BTAF1: variants seen among roughly 807,000 people sequenced by gnomAD.
BTAF1 encodes the protein B-TFIID TATA-box binding protein associated factor 1.
A neutral mutation model predicts 227.1 loss-of-function variants in BTAF1; 38 were observed. The ratio of observed to expected loss-of-function variants is 0.17; its 90% CI spans 0.13 to 0.22. The LOEUF is 0.22. BTAF1 is among the 10% of genes least tolerant of loss of function. The probability of loss-of-function intolerance (pLI) is 1.00; values close to 1 mark genes in which losing one functional copy is unlikely to be tolerated. For missense variants in BTAF1, 1,598 were observed against 2,204.0 expected (o/e 0.73, Z 5.51); for synonymous variants, 742 against 751.9 (o/e 0.99, Z 0.21).
chr10:91,982,416 ATCT>A (rs1848131013), intron 17 of BTAF1, 168 bp from the exon 18 acceptor site: 4 of 1,063,902 alleles, frequency 3.8e-6, no homozygotes, highest in Non-Finnish European at 2.6e-6. Context: ...TAGGATTTAT[ATCT>A]TCTTATGAAG....
rs766397994 is a variant in BTAF1, at chr10:91,957,340, A to C, written c.900+47A>C. The C allele has an allele frequency of 2.0e-6, 3 of 1,477,338 alleles. No homozygotes were observed. The South Asian group carries it at 3.5e-5, about 17-fold the overall frequency. 91.5% of individuals were successfully genotyped at this position (1,477,338 alleles called of 1,614,324 possible). On this transcript the variant is annotated intron_variant, in intron 8 of 37. Coordinates refer to ENST00000265990, the MANE Select transcript of BTAF1 (RefSeq NM_003972.3). Reference sequence around the variant, plus strand: ...TTTTCTCAGCTCTATTTTCTGTGCTAATGAAGGGAACAATGTCAAGAGCAA... The same window carrying C: ...TTTTCTCAGCTCTATTTTCTGTGCTCATGAAGGGAACAATGTCAAGAGCAA...
intron 34 of BTAF1, among the ~76,000 whole-genome samples, chr10:92,020,156 A>T (rs1362441111): frequency 6.6e-6 from 1 of 152,056 alleles, no homozygotes; most frequent in South Asian, 2.1e-4. Flanking sequence ...ATCAGGTGTT[A>T]ATCTTATTGA....
At chr10:91,948,745 A>C (rs938409502) in intron 4 of BTAF1, among the ~76,000 whole-genome samples, 4 of 150,500 alleles carry the variant, frequency 2.7e-5, no homozygotes, top group Non-Finnish European at 5.9e-5. Flanking sequence ...ACATTATTTA[A>C]TTCACCTTTT....
chr10:91,998,565 T>G (rs1421285518), intron 25 of BTAF1, among the ~76,000 whole-genome samples: 1 of 152,156 alleles, frequency 6.6e-6, no homozygotes, highest in African/African-American at 2.4e-5. Flanking sequence ...TGCAGGAAAC[T>G]GAAGTGGCTT....
rs768422488 is a variant in BTAF1 at position 91,960,087 on chromosome 10, C to T, written c.1196C>T (p.Thr399Ile). Reference protein sequence around the residue: ...KTVDVLLKLLTQEQWEVRHGG... With the variant: ...KTVDVLLKLLIQEQWEVRHGG... ...GTGGATGTGCTGCTAAAATTACTTA[C>T]ACAAGAACAATGGGAAGTTAGACAT... The change falls in exon 11 of 38, where the codon ACA becomes ATA. Residue 399 changes from threonine to isoleucine, a missense_variant. Around this residue, in one of 10 missense-constraint regions of BTAF1, gnomAD observed 52 missense variants for 72.4 expected, o/e 0.72. Coordinates refer to ENST00000265990, the MANE Select transcript of BTAF1 (RefSeq NM_003972.3). 3.1e-6 allele frequency: 5 copies of T among 1,613,784 alleles called. No individual in the cohort carries two copies. Among genetic ancestry groups the T allele is most frequent in the Non-Finnish European group, 3.4e-6 (4 of 1,179,840 alleles).
At chr10:92,018,108 G>T (rs769364762) in intron 33 of BTAF1, among the ~76,000 whole-genome samples, 43 of 152,000 alleles carry the variant, frequency 2.8e-4, no homozygotes, top group Non-Finnish European at 5.3e-4. Context: ...TTTAAAGACT[G>T]AGTCTCGCTC....
chr10:91,996,353 A>G lies in BTAF1; in HGVS notation c.3310-16A>G. 6.2e-7 allele frequency: 1 copy of G among 1,608,518 alleles called. No homozygotes were observed. Among genetic ancestry groups the G allele is most frequent in the Non-Finnish European group, 8.5e-7 (1 of 1,175,722 alleles). ...TTTCCTAATAATTCTAATTGCCATT[A>G]ACTTTTTGTTTTTAGTTGGTCCAGC... On this transcript the variant is annotated splice_polypyrimidine_tract_variant and intron_variant, in intron 23 of 37. Transcript: ENST00000265990.
intron 36 of BTAF1, 148 bp from the exon 37 acceptor site, chr10:92,026,982 A>G (rs1004062490): frequency 1.1e-6 from 1 of 916,156 alleles, no homozygotes; most frequent in South Asian, 1.8e-5. Flanking sequence ...TGATTGCTGC[A>G]CACATTTTGA....
chr10:91,940,153 A>G (rs1460083024), intron 3 of BTAF1, 87 bp downstream of exon 3: 13 of 801,620 alleles, frequency 1.6e-5, no homozygotes, highest in African/African-American at 7.0e-5. Flanking sequence ...AATAATTTCA[A>G]TTTTAAAGTC....
chr10:92,008,048 G>T, intron 25 of BTAF1, 75 bp from the exon 26 acceptor site: 1 of 1,313,454 alleles, frequency 7.6e-7, no homozygotes, highest in Non-Finnish European at 1.1e-6. Context: ...CTGTGTGTTT[G>T]TTTTGTGTTT....
At chr10:92,001,244 A>G (rs1467516019) in intron 25 of BTAF1, among the ~76,000 whole-genome samples, 1 of 152,176 alleles carries the variant, frequency 6.6e-6, no homozygotes. Flanking sequence ...AGAGTACCTG[A>G]AGGTAGGTAC....
Position 91,923,822 on chromosome 10 carries a change from G to A in BTAF1, c.-255G>A, listed in dbSNP as rs1045106424. 13 of 431,640 alleles carry A rather than the reference G, an allele frequency of 3.0e-5. No individual in the cohort carries two copies. The highest frequency in any genetic ancestry group is 8.3e-5 in the African/African-American group (4 of 48,440). The allele number at this position is 431,640 out of a possible 1,614,324, so 26.7% of individuals were successfully genotyped here. On this transcript the variant is annotated 5_prime_UTR_variant, in exon 1 of 38. Transcript: ENST00000265990. ...CAAAGAGCGGAGCTGAGGGTACCCGGTTTGAAGTCGTGCGGGTCGGAGGAC... is the reference window on the plus strand; with the variant it reads ...CAAAGAGCGGAGCTGAGGGTACCCGATTTGAAGTCGTGCGGGTCGGAGGAC...
intron 14 of BTAF1, among the ~76,000 whole-genome samples, chr10:91,972,929 C>T (rs956584442): frequency 6.6e-6 from 1 of 152,130 alleles, no homozygotes; most frequent in Admixed American, 6.5e-5. Flanking sequence ...ATATAATATA[C>T]ACTGTATACA....
chr10:91,980,500 A>G lies in BTAF1; in HGVS notation c.1697A>G (p.His566Arg), dbSNP rs111500696. The change falls in exon 15 of 38, where the codon CAC (histidine) becomes CGC (arginine). Residue 566 changes from histidine to arginine, a missense_variant. Physicochemically the swap from His to Arg is conservative, Grantham distance 29. Around this residue, in one of 10 missense-constraint regions of BTAF1, gnomAD observed 318 missense variants for 435.0 expected, o/e 0.73. Coordinates refer to ENST00000265990, the MANE Select transcript of BTAF1 (RefSeq NM_003972.3). ...CCTATACTGCCTGATATGCTCCGAC[A>G]CATTTTTCAGTTCTGTGTTTTGGAA... ...LIPILPDMLRHIFQFCVLESS... is the reference protein window; with the variant it reads ...LIPILPDMLRRIFQFCVLESS... 1.2e-6 allele frequency: 2 copies of G among 1,613,148 alleles called. No individual in the cohort carries two copies. Among genetic ancestry groups the G allele is most frequent in the South Asian group, 1.1e-5 (1 of 91,024 alleles).
chr10:92,011,492 T>A (rs1264050961), intron 30 of BTAF1, 77 bp downstream of exon 30: 1 of 639,480 alleles, frequency 1.6e-6, no homozygotes, highest in Non-Finnish European at 2.2e-6. Context: ...GTAGGCTTGG[T>A]ATTTGGCGGT....
At chr10:91,996,314 C>T in intron 23 of BTAF1, 55 bp from the exon 24 acceptor site, 1 of 1,495,598 alleles carries the variant, frequency 6.7e-7, no homozygotes, top group Non-Finnish European at 9.2e-7. Context: ...ATTATAGTTA[C>T]ATATTAAACA....
rs1444458498 is a variant in BTAF1 at position 91,970,781 on chromosome 10, G to A, written c.1650+4024G>A. On this transcript the variant is annotated intron_variant, in intron 14 of 37. Transcript: ENST00000265990. ...GTAAGTTTAATAACCTCTACAAAGA[G>A]TTAAATAACAGAAGACCAGTATGTG... 3.3e-5 allele frequency among the ~76,000 whole-genome samples: 5 copies of A among 152,276 alleles called. No individual in the cohort carries two copies. In the East Asian group the frequency reaches 9.6e-4, roughly 29 times the overall value.
intron 34 of BTAF1, among the ~76,000 whole-genome samples, chr10:92,021,536 G>A (rs537755419): frequency 6.8e-6 from 1 of 146,044 alleles, no homozygotes; most frequent in Non-Finnish European, 1.5e-5. Flanking sequence ...ATATTGAGTT[G>A]TTTTTTTTTT....
chr10:91,987,084 A>G (rs922380488), intron 19 of BTAF1, among the ~76,000 whole-genome samples: 5 of 146,090 alleles, frequency 3.4e-5, no homozygotes, highest in African/African-American at 1.0e-4. Flanking sequence ...TCTCACTGTC[A>G]CTTCACACTG....
Sources: gnomAD v4.1 joint callset for allele counts (sites outside exome capture counted in the v4.1 genomes callset) on GRCh38, gnomAD v4.1.1 for gene constraint, gnomAD v4.1.1 regional missense constraint, MANE v1.5 for transcripts, NCBI Gene and HGNC (gene_info 2026-07-23, HGNC 2026-07-21) for gene names.